Variants in ATP11A observed in about 807,000 individuals in gnomAD.
The protein encoded by ATP11A is ATPase phospholipid transporting 11A, also known as phospholipid-transporting ATPase IH.
ATP11A carries 81 observed loss-of-function variants against 154.4 expected under a neutral mutation model. The ratio of observed to expected loss-of-function variants is 0.52; its 90% CI spans 0.44 to 0.63. The LOEUF is 0.63. ATP11A is among the 30% of genes least tolerant of loss of function. The probability of loss-of-function intolerance (pLI) is 0.00; values close to 1 mark genes in which losing one functional copy is unlikely to be tolerated. For missense variants in ATP11A, 1,316 were observed against 1,474.3 expected (o/e 0.89, Z 1.76); for synonymous variants, 623 against 585.9 (o/e 1.06, Z -0.91).
intron 9 of ATP11A, among the ~76,000 whole-genome samples, 189 bp downstream of exon 9, chr13:112,823,598 A>G (rs559400341): frequency 9.8e-5 from 15 of 152,392 alleles, no homozygotes; most frequent in East Asian, 3.9e-4. Context: ...CAGCAGCATC[A>G]GAGAATACGG....
At chr13:112,826,670 G>T in intron 11 of ATP11A, 24 bp from the exon 12 acceptor site, 2 of 1,611,620 alleles carry the variant, frequency 1.2e-6, no homozygotes, top group South Asian at 2.2e-5. Flanking sequence ...TGGAGGTGCT[G>T]ACCCGCACCT....
chr13:112,707,321 A>G (rs1887247987), intron 1 of ATP11A, among the ~76,000 whole-genome samples: 1 of 151,854 alleles, frequency 6.6e-6, no homozygotes, highest in Non-Finnish European at 1.5e-5. Context: ...AGGCTGAGGC[A>G]GGAGACTTGC....
intron 1 of ATP11A, among the ~76,000 whole-genome samples, chr13:112,733,211 G>T (rs1479352112): frequency 6.6e-6 from 1 of 152,190 alleles, no homozygotes; most frequent in Non-Finnish European, 1.5e-5. Context: ...GCAGAGAGGG[G>T]AAGCTGAATA....
In ATP11A at chr13:112,878,139, T is replaced by C. The variant is rs869882; in HGVS notation, c.3328-78T>C. 3.9e-3 allele frequency: 5,237 copies of C among 1,343,616 alleles called. 155 individuals carry two copies. In the African/African-American group the frequency reaches 0.068, roughly 17 times the overall value. 83.2% of individuals were successfully genotyped at this position (1,343,616 alleles called of 1,614,324 possible). ...TCTCTTTCCTTCCCATTTCCTTCCG[T>C]CTTCCGACCGCTTTGCCTAAATCCT... On this transcript the variant is annotated intron_variant, in intron 28 of 29. Coordinates refer to ENST00000375645, the MANE Select transcript of ATP11A (RefSeq NM_015205.3).
At chr13:112,694,687 T>A (rs892810240) in intron 1 of ATP11A, among the ~76,000 whole-genome samples, 6 of 152,186 alleles carry the variant, frequency 3.9e-5, no homozygotes, top group African/African-American at 1.4e-4. Flanking sequence ...AGCCCAGATA[T>A]TCCTTGTTAG....
chr13:112,766,623 G>T (rs528810829), intron 1 of ATP11A, among the ~76,000 whole-genome samples: 58 of 152,248 alleles, frequency 3.8e-4, no homozygotes, highest in African/African-American at 1.3e-3. Flanking sequence ...TGTAAGGGAA[G>T]GGGAAGGGGG....
At chr13:112,828,091 AAAGCGCCCAGCAGCGTTGAGTGGGGGG>A (rs2078979407) in intron 12 of ATP11A, among the ~76,000 whole-genome samples, 4 of 147,308 alleles carry the variant, frequency 2.7e-5, no homozygotes, top group Non-Finnish European at 1.5e-5. Context: ...AGTGTGGGGG[AAAGCGCCCAGCAGCGTTGAGTGGGGGG>A]AAGCGCCCAG....
intron 2 of ATP11A, among the ~76,000 whole-genome samples, chr13:112,800,550 T>C (rs2078106495): frequency 6.6e-6 from 1 of 151,766 alleles, no homozygotes; most frequent in Non-Finnish European, 1.5e-5. Context: ...TTTTCACTGG[T>C]GAATTCTACC....
At chr13:112,820,799 C>T (rs867608309) in intron 8 of ATP11A, among the ~76,000 whole-genome samples, 2 of 152,222 alleles carry the variant, frequency 1.3e-5, no homozygotes, top group African/African-American at 4.8e-5. Flanking sequence ...ATTGTAAGCA[C>T]TCTCCAAGTT....
In ATP11A at chr13:112,806,216, A is replaced by G; in HGVS notation, c.256A>G (p.Ile86Val). ...YFLIIFLVQL[I>V]IDTPTSPVTS... ...TTACAATTCTCTCTTTCTGCAGTTGATTATTGATACACCCACAAGTCCAGT... is the reference window on the plus strand; with the variant it reads ...TTACAATTCTCTCTTTCTGCAGTTGGTTATTGATACACCCACAAGTCCAGT... Residue 86 changes from isoleucine to valine, a missense_variant, in exon 4 of 30, where the codon ATT (isoleucine) becomes GTT (valine). Physicochemically the swap from Ile to Val is conservative, Grantham distance 29 (BLOSUM62 3). Transcript: ENST00000375645. 6.2e-7 allele frequency: 1 copy of G among 1,611,572 alleles called. No homozygotes were observed. The highest frequency in any genetic ancestry group is 8.5e-7 in the Non-Finnish European group (1 of 1,178,572).
intron 1 of ATP11A, among the ~76,000 whole-genome samples, chr13:112,695,885 A>G (rs983856395): frequency 2.0e-5 from 3 of 152,236 alleles, no homozygotes; most frequent in Non-Finnish European, 4.4e-5. Context: ...TTTATTTGCA[A>G]TAAAAATCAA....
intron 2 of ATP11A, among the ~76,000 whole-genome samples, chr13:112,793,860 T>C (rs2077927374): frequency 6.6e-6 from 1 of 152,220 alleles, no homozygotes; most frequent in Non-Finnish European, 1.5e-5. Context: ...GGCCATGCTC[T>C]TCCCTGTCTG....
rs2080922676 is a variant in ATP11A, at chr13:112,883,137, C to G, written c.*1271C>G. ...CCCCTCGTCTCCTCATCCCCACGTC[C>G]TCTCGTCCCCTTGTCCCGTCCCCAC... On this transcript the variant is annotated 3_prime_UTR_variant, in exon 30 of 30. Coordinates refer to ENST00000375645, the MANE Select transcript of ATP11A (RefSeq NM_015205.3). 2.6e-6 allele frequency: 1 copy of G among 390,814 alleles called. No homozygotes were observed. Among genetic ancestry groups the G allele is most frequent in the East Asian group, 3.7e-5 (1 of 27,352 alleles). The allele number at this position is 390,814 out of a possible 1,614,324, so 24.2% of individuals were successfully genotyped here.
chr13:112,762,570 A>T (rs771750957), intron 1 of ATP11A, among the ~76,000 whole-genome samples: 1 of 152,172 alleles, frequency 6.6e-6, no homozygotes, highest in Non-Finnish European at 1.5e-5. Flanking sequence ...TCACCCGAAG[A>T]TAAGAGCCAG....
In ATP11A at chr13:112,854,235, G is replaced by C. The variant is rs2079856435; in HGVS notation, c.1992-44G>C. 5 of 1,603,018 alleles carry C rather than the reference G, an allele frequency of 3.1e-6. No individual in the cohort carries two copies. The East Asian group carries it at 8.9e-5, about 29-fold the overall frequency. On this transcript the variant is annotated intron_variant, in intron 18 of 29. Transcript: ENST00000375645. ...GTTCCTTATTTGGATTCCTGGGTCA[G>C]CACTGACTTTTCTCTATGCTGTGTT...
chr13:112,820,018 CG>C (rs1356894899), intron 8 of ATP11A, 68 bp downstream of exon 8: 14 of 1,439,330 alleles, frequency 9.7e-6, no homozygotes, highest in African/African-American at 1.5e-5. Context: ...CATTCTTTGA[CG>C]GACAAGGGTT....
intron 1 of ATP11A, among the ~76,000 whole-genome samples, chr13:112,775,829 A>G (rs2077334808): frequency 6.6e-6 from 1 of 152,180 alleles, no homozygotes. Flanking sequence ...GCCCTGGCGC[A>G]GGGCGGGCGC....
At chr13:112,751,276 A>G (rs1464227899) in intron 1 of ATP11A, among the ~76,000 whole-genome samples, 1 of 152,176 alleles carries the variant, frequency 6.6e-6, no homozygotes, top group Non-Finnish European at 1.5e-5. Context: ...TTTTTCTTCC[A>G]TGAACAGCCT....
rs200145702 is a variant in ATP11A, at chr13:112,875,787, A to C, written c.3173A>C (p.Asn1058Thr). The C allele has an allele frequency of 6.2e-7, 1 of 1,613,364 alleles. No homozygotes were observed. Among genetic ancestry groups the C allele is most frequent in the African/African-American group, 1.3e-5 (1 of 74,914 alleles). Residue 1058 changes from asparagine (N) to threonine (T), a missense_variant, in exon 28 of 30, where the codon AAC becomes ACC. Around this residue, in one of 5 missense-constraint regions of ATP11A, gnomAD observed 294 missense variants for 290.2 expected, o/e 1.01. Coordinates refer to ENST00000375645, the MANE Select transcript of ATP11A (RefSeq NM_015205.3). This position sits in a 1 kb window ranked among gnomAD's most constrained non-coding sequence, Gnocchi z 4.1. ...TCCCTGCCCCTCAGGCCGTTCCTCA[A>C]CTACCAGAGGATGTACTACGTGTTC... ...LWGGVIWPFLNYQRMYYVFIQ... is the reference protein window; with the variant it reads ...LWGGVIWPFLTYQRMYYVFIQ...
Sources: allele counts gnomAD v4.1 joint callset (sites outside exome capture counted in the v4.1 genomes callset), GRCh38; gene constraint gnomAD v4.1.1; regional missense constraint gnomAD v4.1.1; non-coding constraint Gnocchi (gnomAD v3.1); transcripts MANE v1.5; gene names NCBI Gene and HGNC (gene_info 2026-07-23, HGNC 2026-07-21).